TMEM44: variants seen among roughly 807,000 people sequenced by gnomAD.
TMEM44 encodes the protein transmembrane protein 44.
TMEM44 carries 43 observed loss-of-function variants against 47.8 expected under a neutral mutation model. The observed-to-expected ratio is 0.90, with a 90% CI of 0.70 to 1.16. The LOEUF is 1.16. Among genes scored for constraint, TMEM44 ranks in the 50% most tolerant of loss-of-function variants. TMEM44 has a pLI of 0.00. For missense variants in TMEM44, 568 were observed against 555.2 expected (o/e 1.02, Z -0.23); for synonymous variants, 277 against 238.8 (o/e 1.16, Z -1.48).
intron 1 of TMEM44, among the ~76,000 whole-genome samples, chr3:194,631,923 G>T (rs1280928587): frequency 6.6e-6 from 1 of 152,212 alleles, no homozygotes; most frequent in African/African-American, 2.4e-5. Context: ...GGTTGGCAAA[G>T]TGCCTAACAG....
Position 194,625,939 on chromosome 3 carries a change from T to C in TMEM44, c.316A>G (p.Ile106Val). ...AAIDLVNFMF[I>V]LFPVCGSKFK... is the part of the protein sequence containing the mutation. ...TTGGATCCACAGACTGGGAAGAGAA[T>C]GAACATAAAGTTCACTAAGTCAATA... The change falls in exon 3 of 10, where the codon ATT becomes GTT. Residue 106 changes from isoleucine to valine, a missense_variant. Physicochemically the swap from Ile to Val is conservative, Grantham distance 29. Coordinates refer to ENST00000347147, the MANE Select transcript of TMEM44 (RefSeq NM_001011655.3). 6.2e-7 allele frequency: 1 copy of C among 1,613,916 alleles called. No homozygotes were observed. The highest frequency in any genetic ancestry group is 8.5e-7 in the Non-Finnish European group (1 of 1,179,828).
chr3:194,606,939 C>T (rs1268608170), intron 8 of TMEM44, among the ~76,000 whole-genome samples: 3 of 108,242 alleles, frequency 2.8e-5, no homozygotes, highest in African/African-American at 7.2e-5. Context: ...GGCGACAGAG[C>T]GAGACTCTGC....
chr3:194,604,172 G>C (rs1161535502), intron 9 of TMEM44, 115 bp downstream of exon 9: 1 of 1,318,188 alleles, frequency 7.6e-7, no homozygotes, highest in Non-Finnish European at 1.0e-6. Context: ...TATTTAGCAG[G>C]TATGAGGTTA....
At position 194,615,614 on chromosome 3, in the gene TMEM44, G is replaced by A. The variant is rs1247682460; in HGVS notation, c.867C>T (p.Thr289=). 2 of 1,614,018 alleles carry A rather than the reference G, an allele frequency of 1.2e-6. No homozygotes were observed. The highest frequency in any genetic ancestry group is 1.7e-6 in the Non-Finnish European group (2 of 1,180,026). The change falls in exon 7 of 10, where the codon ACC becomes ACT. Residue 289 remains threonine, a synonymous_variant. Transcript: ENST00000347147. The part of the protein sequence containing the change: ...FAKEARESPD[T]QALLTCAEKE... ...TCTCTGCACAGGTCAAAAGGGCTTG[G>A]GTGTCAGGGCTCTCTCTGGCTTCCT...
intron 5 of TMEM44, 122 bp downstream of exon 5, chr3:194,623,102 T>C: frequency 2.2e-6 from 2 of 919,854 alleles, no homozygotes; most frequent in East Asian, 2.8e-5. Flanking sequence ...CAGGAAAAGC[T>C]GAGCCCATGT....
chr3:194,623,215 C>A lies in TMEM44; in HGVS notation c.612+9G>T. 6.2e-7 allele frequency: 1 copy of A among 1,601,848 alleles called. No individual in the cohort carries two copies. The highest frequency in any genetic ancestry group is 1.1e-5 in the South Asian group (1 of 88,832). ...TGACCCACAGTCCCATCCCCACCCC[C>A]GGCCTCACAATTCTGGAGAGAGGGG... On this transcript the variant is annotated intron_variant, in intron 5 of 9. Transcript: ENST00000347147.
In TMEM44 at chr3:194,611,896, T is replaced by C. The variant is rs1715359586; in HGVS notation, c.913-876A>G. Among the ~76,000 whole-genome samples, 1 of 151,978 alleles carries C rather than the reference T, an allele frequency of 6.6e-6. No homozygotes were observed. Among genetic ancestry groups the C allele is most frequent in the Admixed American group, 6.6e-5 (1 of 15,240 alleles). ...AATTGGCTGGGCAAGGTGGCGTGTG[T>C]CTGTAATCCTAGCTACGTGGGAGGC... On this transcript the variant is annotated intron_variant, in intron 7 of 9. Coordinates refer to ENST00000347147, the MANE Select transcript of TMEM44 (RefSeq NM_001011655.3). The surrounding 1 kb of genome is among the most constrained non-coding windows in gnomAD (Gnocchi z 4.2).
chr3:194,615,782 C>A, intron 6 of TMEM44, 85 bp from the exon 7 acceptor site: 1 of 1,531,500 alleles, frequency 6.5e-7, no homozygotes, highest in South Asian at 1.2e-5. Flanking sequence ...TGCTGCCACC[C>A]CCCTCCCCAC....
chr3:194,620,314 A>C (rs71317918), intron 5 of TMEM44, among the ~76,000 whole-genome samples: 1 of 146,778 alleles, frequency 6.8e-6, no homozygotes, highest in Non-Finnish European at 1.5e-5. Context: ...AAAAAAAAAT[A>C]CCAGGAAGGG....
rs139152555 is a variant in TMEM44, at chr3:194,628,743, T to C, written c.138-234A>G. Among the ~76,000 whole-genome samples, 398 of 152,304 alleles carry C rather than the reference T, an allele frequency of 2.6e-3. 7 individuals are homozygous for C. Among genetic ancestry groups the C allele is most frequent in the Admixed American group, 0.022 (339 of 15,300 alleles). Reference sequence around the variant, plus strand: ...CCTCGTGAGATGTGAAGACACCGCCTCTTTGGAGGAAGAGGAATTTTACTT... The same window carrying C: ...CCTCGTGAGATGTGAAGACACCGCCCCTTTGGAGGAAGAGGAATTTTACTT... On this transcript the variant is annotated intron_variant, in intron 1 of 9. Transcript: ENST00000347147.
rs995324449 is a variant in TMEM44 at position 194,593,508 on chromosome 3, A to G, written c.1177-4869T>C. Among the ~76,000 whole-genome samples, 6 of 152,284 alleles carry G rather than the reference A, an allele frequency of 3.9e-5. No homozygotes were observed. The South Asian group carries it at 1.0e-3, about 26-fold the overall frequency. ...AAATATGGGGTATTTGCTACCAGCC[A>G]AGATTCATTTGTAGTCAGTGTTTAC... On this transcript the variant is annotated intron_variant, in intron 9 of 9. Coordinates refer to ENST00000347147, the MANE Select transcript of TMEM44 (RefSeq NM_001011655.3).
intron 9 of TMEM44, chr3:194,590,155 CTGAGCCAT>C (rs1712462499): frequency 6.6e-6 from 1 of 152,232 alleles, no homozygotes; most frequent in African/African-American, 2.4e-5. Flanking sequence ...TGAAGTCTCC[CTGAGCCAT>C]TGACACAATG....
At chr3:194,599,541 A>G (rs1165543857) in intron 9 of TMEM44, among the ~76,000 whole-genome samples, 1 of 145,810 alleles carries the variant, frequency 6.9e-6, no homozygotes, top group Non-Finnish European at 1.5e-5. Flanking sequence ...TCTTCTTCAC[A>G]TTTTTTACAC....
chr3:194,594,163 C>CTGTCTGTCTG (rs1219090756), intron 9 of TMEM44, among the ~76,000 whole-genome samples: 3 of 139,622 alleles, frequency 2.1e-5, no homozygotes, highest in Admixed American at 7.1e-5. Flanking sequence ...ATCTATCTAT[C>CTGTCTGTCTG]TATATCTATC....
In TMEM44 at chr3:194,617,093, G is replaced by A. The variant is rs1715981017; in HGVS notation, c.783+6C>T. On this transcript the variant is annotated splice_donor_region_variant and intron_variant, in intron 6 of 9. Coordinates refer to ENST00000347147, the MANE Select transcript of TMEM44 (RefSeq NM_001011655.3). ...GCAGGGAGCTCCCCAGGCCTGGGGT[G>A]GATACAGCGAGGTCCAGTGCCGCAC... 2 of 1,509,114 alleles carry A rather than the reference G, an allele frequency of 1.3e-6. No homozygotes were observed. Among genetic ancestry groups the A allele is most frequent in the Non-Finnish European group, 1.8e-6 (2 of 1,125,446 alleles). The allele number at this position is 1,509,114 out of a possible 1,614,324, so 93.5% of individuals were successfully genotyped here.
At chr3:194,621,510 G>A (rs1226659547) in intron 5 of TMEM44, among the ~76,000 whole-genome samples, 4 of 152,126 alleles carry the variant, frequency 2.6e-5, no homozygotes, top group Non-Finnish European at 5.9e-5. Flanking sequence ...CCGGTGGGCT[G>A]CTGAGCTGAG....
rs112899950 is a variant in TMEM44 at position 194,613,954 on chromosome 3, C to T, written c.912+1615G>A. Among the ~76,000 whole-genome samples the T allele has an allele frequency of 3.4e-3, 513 of 151,822 alleles. 4 individuals are homozygous for T. Among genetic ancestry groups the T allele is most frequent in the African/African-American group, 0.012 (483 of 41,460 alleles). On this transcript the variant is annotated intron_variant, in intron 7 of 9. Coordinates refer to ENST00000347147, the MANE Select transcript of TMEM44 (RefSeq NM_001011655.3). ...CCTGACCAACATGGAGAAACCCAGT[C>T]TCTACTAAAAATACAAAATTAGCCG...
intron 9 of TMEM44, among the ~76,000 whole-genome samples, chr3:194,595,792 A>G (rs968777199): frequency 2.0e-5 from 3 of 151,904 alleles, no homozygotes; most frequent in African/African-American, 7.3e-5. Flanking sequence ...TGCCAGGCTC[A>G]TTTTTTGTAT....
Position 194,588,426 on chromosome 3 carries a change from G to A in TMEM44, c.*103C>T, listed in dbSNP as rs904844557. 5.0e-6 allele frequency: 5 copies of A among 997,886 alleles called. No individual in the cohort carries two copies. In the Admixed American group the frequency reaches 1.1e-4, roughly 21 times the overall value. The allele number at this position is 997,886 out of a possible 1,614,324, so 61.8% of individuals were successfully genotyped here. A position where few individuals can be genotyped will look rare whatever the true frequency, so the allele number is the denominator to read the frequency against. Reference sequence around the variant, plus strand: ...TCCTGGTTCCTCACTTGCCAGGGCAGCTTCAGTTCCTGCCGCGGTGTCAGT... The same window carrying A: ...TCCTGGTTCCTCACTTGCCAGGGCAACTTCAGTTCCTGCCGCGGTGTCAGT... On this transcript the variant is annotated 3_prime_UTR_variant, in exon 10 of 10. Transcript: ENST00000347147.
Sources: allele counts gnomAD v4.1 joint callset (sites outside exome capture counted in the v4.1 genomes callset), GRCh38; gene constraint gnomAD v4.1.1; non-coding constraint Gnocchi (gnomAD v3.1); transcripts MANE v1.5; gene names NCBI Gene and HGNC (gene_info 2026-07-23, HGNC 2026-07-21).